The following SULT1C2 variants were observed in gnomAD, a reference collection of about 807,000 sequenced individuals.
SULT1C2 encodes sulfotransferase 1C2.
Under a neutral mutation model 36.0 loss-of-function variants are expected in SULT1C2, and 27 were observed. The ratio of observed to expected loss-of-function variants is 0.75; its 90% CI spans 0.55 to 1.03. The LOEUF is 1.03. Ranked by LOEUF, SULT1C2 falls within the 50% of genes least tolerant of loss-of-function variation. The pLI is 0.00. For synonymous variants in SULT1C2, 121 were observed against 116.0 expected, an observed-to-expected ratio of 1.04 and a Z score of -0.27; for missense variants, 395 against 359.2, an observed-to-expected ratio of 1.10 and a Z score of -0.80.
intron 1 of SULT1C2, among the ~76,000 whole-genome samples, chr2:108,290,640 A>G (rs1009310610): frequency 6.6e-6 from 1 of 152,182 alleles, no homozygotes; most frequent in Non-Finnish European, 1.5e-5. Flanking sequence ...TGGTGAAGAA[A>G]TAGAAAGGCA....
Position 108,302,965 on chromosome 2 carries a change from C to G in SULT1C2, c.376-1609C>G, listed in dbSNP as rs183290003. 21 of 151,782 alleles carry G rather than the reference C, an allele frequency of 1.4e-4. No homozygotes were observed. In the East Asian group the frequency reaches 4.1e-3, roughly 29 times the overall value. 9.4% of individuals were successfully genotyped at this position (151,782 alleles called of 1,614,324 possible). ...GAGCTAAGAGCCAAGAGATGGAGCACGGGAGGGATTAATAAAAGGATTATC... is the reference window on the plus strand; with the variant it reads ...GAGCTAAGAGCCAAGAGATGGAGCAGGGGAGGGATTAATAAAAGGATTATC... On this transcript the variant is annotated intron_variant, in intron 4 of 7. Coordinates refer to ENST00000251481, the MANE Select transcript of SULT1C2 (RefSeq NM_001056.4).
intron 4 of SULT1C2, chr2:108,303,777 A>T (rs1023171470): frequency 7.2e-5 from 11 of 152,210 alleles, no homozygotes; most frequent in Non-Finnish European, 1.5e-4. Flanking sequence ...CCCTGCATGG[A>T]TGCCAGTAGC....
intron 1 of SULT1C2, among the ~76,000 whole-genome samples, chr2:108,292,353 T>C (rs1465199562): frequency 6.6e-6 from 1 of 151,430 alleles, no homozygotes; most frequent in Non-Finnish European, 1.5e-5. Context: ...GCTTTCTCCT[T>C]TTGGTGCATT....
chr2:108,302,147 A>G (rs978062772), intron 4 of SULT1C2: 2 of 152,338 alleles, frequency 1.3e-5, no homozygotes, highest in Middle Eastern at 3.4e-3. Context: ...ACTGAAACTC[A>G]GAGAGGCAAA....
chr2:108,293,750 A>G lies in SULT1C2; in HGVS notation c.83A>G (p.Asn28Ser). The G allele has an allele frequency of 1.9e-6, 3 of 1,614,138 alleles. No homozygotes were observed. The highest frequency in any genetic ancestry group is 2.7e-5 in the African/African-American group (2 of 75,040). The change falls in exon 2 of 8, where the codon AAC becomes AGC. Residue 28 changes from asparagine (N) to serine (S), a missense_variant. By Grantham distance (46) the Asn-to-Ser change is conservative. Coordinates refer to ENST00000251481, the MANE Select transcript of SULT1C2 (RefSeq NM_001056.4). The stretch of plus-strand genomic sequence containing the variant: ...CTCCTGCAGCCTGCAACTGTGGACA[A>G]CTGGAGCCAGATCCAGAGCTTCGAG... ...GTLLQPATVD[N>S]WSQIQSFEAK...
At chr2:108,291,296 C>T (rs989338672) in intron 1 of SULT1C2, among the ~76,000 whole-genome samples, 3 of 152,172 alleles carry the variant, frequency 2.0e-5, no homozygotes, top group African/African-American at 7.2e-5. Flanking sequence ...TCTGACTGCT[C>T]TTCTACACCC....
intron 3 of SULT1C2, 78 bp from the exon 4 acceptor site, chr2:108,300,760 C>G: frequency 6.3e-7 from 1 of 1,591,786 alleles, no homozygotes; most frequent in East Asian, 2.3e-5. Flanking sequence ...GATGGGATGT[C>G]CTGGACAGAG....
Position 108,305,604 on chromosome 2 carries a change from G to A in SULT1C2, c.778+9G>A. On this transcript the variant is annotated intron_variant, in intron 7 of 7. Transcript: ENST00000251481. ...CTCCTTCATGAGAAAAGGTGTGTGGGGCCTCTTTATCATACATTCAGATTG... is the reference window on the plus strand; with the variant it reads ...CTCCTTCATGAGAAAAGGTGTGTGGAGCCTCTTTATCATACATTCAGATTG... The A allele has an allele frequency of 1.2e-6, 2 of 1,614,008 alleles. No individual in the cohort carries two copies. Among genetic ancestry groups the A allele is most frequent in the Middle Eastern group, 1.6e-4 (1 of 6,062 alleles).
At chr2:108,301,458 G>A (rs7585182) in intron 4 of SULT1C2, 110,607 of 152,342 alleles carry the variant, frequency 0.73, 41,080 homozygotes, top group East Asian at 0.92. Context: ...GCGGGCGCCT[G>A]TAGTCCCAGC....
chr2:108,304,534 T>C (rs1450311466), intron 4 of SULT1C2, 40 bp from the exon 5 acceptor site: 1 of 1,564,552 alleles, frequency 6.4e-7, no homozygotes, highest in East Asian at 2.2e-5. Context: ...AAGTCCACTT[T>C]TTATACCATC....
chr2:108,294,124 G>A, intron 2 of SULT1C2, 105 bp from the exon 3 acceptor site: 1 of 1,532,810 alleles, frequency 6.5e-7, no homozygotes, highest in Non-Finnish European at 8.8e-7. Flanking sequence ...CAAGGGGAGG[G>A]TGATGCAAAC....
At chr2:108,308,241 G>T in intron 7 of SULT1C2, 111 bp from the exon 8 acceptor site, 1 of 902,934 alleles carries the variant, frequency 1.1e-6, no homozygotes, top group Non-Finnish European at 1.7e-6. Context: ...GGAGTTGGGT[G>T]AGTCAGGTAT....
chr2:108,302,074 G>T (rs1424314609), intron 4 of SULT1C2: 1 of 152,100 alleles, frequency 6.6e-6, no homozygotes, highest in African/African-American at 2.4e-5. Flanking sequence ...AAAATCACAA[G>T]TTTCCTTTTA....
rs1297245185 is a variant in SULT1C2, at chr2:108,308,627, TAA to T, written c.*167_*168del. 4.7e-5 allele frequency: 27 copies of T among 568,750 alleles called. No homozygotes were observed. The East Asian group carries it at 8.1e-4, about 17-fold the overall frequency. The allele number at this position is 568,750 out of a possible 1,614,324, so 35.2% of individuals were successfully genotyped here. A position where few individuals can be genotyped will look rare whatever the true frequency, so the allele number is the denominator to read the frequency against. ...AACAGTATGTCACCACTTCATTTTT[TAA>T]AAAGGATCACGTCTAATGCCCATTT... On this transcript the variant is annotated 3_prime_UTR_variant, in exon 8 of 8. Transcript: ENST00000251481.
chr2:108,303,602 T>A (rs930838387), intron 4 of SULT1C2: 1 of 152,116 alleles, frequency 6.6e-6, no homozygotes, highest in South Asian at 2.1e-4. Context: ...TGTAGGCAGT[T>A]CCTCCAGAGT....
intron 1 of SULT1C2, among the ~76,000 whole-genome samples, chr2:108,290,013 G>C (rs1455445850): frequency 6.6e-6 from 1 of 152,130 alleles, no homozygotes; most frequent in Non-Finnish European, 1.5e-5. Context: ...CCAGGCCCTC[G>C]GTCATCAGCT....
intron 7 of SULT1C2, among the ~76,000 whole-genome samples, chr2:108,306,758 T>A (rs1677033698): frequency 6.6e-6 from 1 of 151,930 alleles, no homozygotes; most frequent in Non-Finnish European, 1.5e-5. Flanking sequence ...ATAAAAAAAT[T>A]AGCTGGGCGT....
At position 108,293,657 on chromosome 2, in the gene SULT1C2, C is replaced by G. The variant is rs1254836258; in HGVS notation, c.-11C>G. The G allele has an allele frequency of 6.2e-7, 1 of 1,605,302 alleles. No individual in the cohort carries two copies. The highest frequency in any genetic ancestry group is 1.3e-5 in the African/African-American group (1 of 74,460). On this transcript the variant is annotated 5_prime_UTR_variant, in exon 2 of 8. Coordinates refer to ENST00000251481, the MANE Select transcript of SULT1C2 (RefSeq NM_001056.4). ...ATTCTTTTCCCATAGGGACCCCAAC[C>G]CTGAGACACTATGGCCCTGACCTCA...
intron 4 of SULT1C2, chr2:108,301,211 G>C (rs764111948): frequency 3.2e-5 from 12 of 377,664 alleles, no homozygotes; most frequent in Non-Finnish European, 4.3e-5. Context: ...AAATGAAGGG[G>C]AGAAGATGGT....
Sources: gnomAD v4.1 joint callset for allele counts (sites outside exome capture counted in the v4.1 genomes callset) on GRCh38, gnomAD v4.1.1 for gene constraint, MANE v1.5 for transcripts, NCBI Gene and HGNC (gene_info 2026-07-23, HGNC 2026-07-21) for gene names.